Variants in VPS53 observed in about 807,000 individuals in gnomAD.
VPS53 encodes the protein vacuolar protein sorting-associated protein 53 homolog.
In VPS53, 70 loss-of-function variants were observed where a neutral mutation model predicts 107.0. The observed-to-expected ratio is 0.65, with a 90% CI of 0.54 to 0.80. VPS53 has a LOEUF of 0.80. VPS53 is among the 30% of genes least tolerant of loss of function. The pLI is 0.00. For synonymous variants in VPS53, 409 were observed against 393.3 expected (o/e 1.04, Z -0.47); for missense variants, 917 against 1,049.4 (o/e 0.87, Z 1.74).
chr17:661,731 G>T, intron 5 of VPS53, 78 bp downstream of exon 5: 1 of 1,386,930 alleles, frequency 7.2e-7, no homozygotes, highest in Admixed American at 2.3e-5. Context: ...ATTAGAAAAA[G>T]CTCATTATTA....
At position 623,933 on chromosome 17, in the gene VPS53, GTTTA is replaced by G. The variant is rs139981445; in HGVS notation, c.975-263_975-260del. Among the ~76,000 whole-genome samples, 2,601 of 148,506 alleles carry G rather than the reference GTTTA, an allele frequency of 0.018. 71 individuals carry two copies. The highest frequency in any genetic ancestry group is 0.063 in the African/African-American group (2,439 of 38,476). Reference sequence around the variant, plus strand: ...TATATATACTTATATTTATTTGTTTGTTTATTTATTTATTTATTTATTTGAGATG... The same window carrying G: ...TATATATACTTATATTTATTTGTTTGTTTATTTATTTATTTATTTGAGATG... On this transcript the variant is annotated intron_variant, in intron 10 of 21. Coordinates refer to ENST00000437048, the MANE Select transcript of VPS53 (RefSeq NM_001128159.3).
intron 12 of VPS53, among the ~76,000 whole-genome samples, chr17:596,959 ACC>A (rs967789360): frequency 6.6e-6 from 1 of 152,112 alleles, no homozygotes; most frequent in Non-Finnish European, 1.5e-5. Flanking sequence ...TTTCATTACT[ACC>A]CAATGTAAAC....
At chr17:556,782 GGC>G (rs779868957) in intron 15 of VPS53, among the ~76,000 whole-genome samples, 2 of 145,446 alleles carry the variant, frequency 1.4e-5, no homozygotes, top group Non-Finnish European at 3.0e-5. Context: ...AACTAATGGG[GGC>G]GCCAGATAAT....
At chr17:577,067 A>G (rs138308662) in intron 13 of VPS53, among the ~76,000 whole-genome samples, 152 of 151,610 alleles carry the variant, frequency 1.0e-3, no homozygotes, top group Non-Finnish European at 1.9e-3. Context: ...CCTCTCAGAG[A>G]ACCTAAAGCA....
chr17:707,619 C>T (rs1034962207), intron 2 of VPS53, among the ~76,000 whole-genome samples: 4 of 150,982 alleles, frequency 2.6e-5, no homozygotes, highest in East Asian at 1.9e-4. Context: ...GAGGCTGAGG[C>T]GGGAGGATCA....
At chr17:654,215 A>G (rs1445972287) in intron 6 of VPS53, among the ~76,000 whole-genome samples, 3 of 152,024 alleles carry the variant, frequency 2.0e-5, no homozygotes. Context: ...ACAAAAATAC[A>G]CAAAGAGCAG....
intron 2 of VPS53, among the ~76,000 whole-genome samples, chr17:709,600 T>C (rs1026453155): frequency 1.3e-5 from 2 of 152,128 alleles, no homozygotes; most frequent in African/African-American, 4.8e-5. Flanking sequence ...CTCAAGGGCA[T>C]GGACTGGACC....
intron 7 of VPS53, among the ~76,000 whole-genome samples, chr17:639,644 T>A (rs961111960): frequency 2.6e-5 from 4 of 152,228 alleles, no homozygotes; most frequent in African/African-American, 9.6e-5. Context: ...GTCAGGACCC[T>A]CAGCTGCAGG....
At chr17:597,811 C>T (rs1052617562) in intron 12 of VPS53, among the ~76,000 whole-genome samples, 10 of 151,800 alleles carry the variant, frequency 6.6e-5, no homozygotes, top group African/African-American at 2.2e-4. Context: ...CTCAGGTGAT[C>T]GGCCTGCCTC....
chr17:552,015 C>A, intron 16 of VPS53, 65 bp from the exon 17 acceptor site: 1 of 1,422,242 alleles, frequency 7.0e-7, no homozygotes, highest in South Asian at 1.3e-5. Flanking sequence ...GACTGACACT[C>A]AGGCCCCTGT....
At chr17:653,152 C>G (rs1971026061) in intron 7 of VPS53, 139 bp downstream of exon 7, 1 of 1,560,628 alleles carries the variant, frequency 6.4e-7, no homozygotes, top group African/African-American at 1.4e-5. Flanking sequence ...TATACTTTCC[C>G]TCCGGTGACA....
At chr17:549,572 G>T (rs190062691) in intron 17 of VPS53, among the ~76,000 whole-genome samples, 1 of 131,802 alleles carries the variant, frequency 7.6e-6, no homozygotes, top group East Asian at 2.8e-4. Context: ...CCTTCCAACC[G>T]TGATTTTATT....
chr17:645,850 T>C (rs541399723), intron 7 of VPS53, among the ~76,000 whole-genome samples: 4,481 of 111,120 alleles, frequency 0.04, 198 homozygotes, highest in Admixed American at 0.067. Flanking sequence ...GACTGGAGAC[T>C]GGCTCTTACA....
At chr17:651,262 A>T (rs74316508) in intron 7 of VPS53, among the ~76,000 whole-genome samples, 108 of 152,368 alleles carry the variant, frequency 7.1e-4, no homozygotes, top group African/African-American at 2.5e-3. Flanking sequence ...CAACAATGGG[A>T]TTCTGAAGTC....
chr17:627,962 T>C, intron 9 of VPS53, 126 bp downstream of exon 9: 1 of 959,058 alleles, frequency 1.0e-6, no homozygotes, highest in Non-Finnish European at 1.5e-6. Context: ...CCCCTAGGAC[T>C]CACAGCTCAA....
intron 17 of VPS53, among the ~76,000 whole-genome samples, chr17:549,996 C>T (rs945738532): frequency 1.3e-5 from 2 of 152,154 alleles, no homozygotes; most frequent in African/African-American, 4.8e-5. Context: ...AAATTCAGAC[C>T]AAATGTCTGC....
At chr17:667,760 C>T (rs1379053240) in intron 4 of VPS53, among the ~76,000 whole-genome samples, 3 of 152,090 alleles carry the variant, frequency 2.0e-5, no homozygotes, top group African/African-American at 7.2e-5. Context: ...TGGGCCAGCA[C>T]CAGTCCGTGG....
At chr17:610,797 G>A (rs1597378489) in intron 11 of VPS53, among the ~76,000 whole-genome samples, 1 of 151,184 alleles carries the variant, frequency 6.6e-6, no homozygotes, top group South Asian at 2.1e-4. Flanking sequence ...AATTAGCCTG[G>A]CATGGTGCTG....
rs772682525 is a variant in VPS53, at chr17:586,302, A to C, written c.1281T>G (p.Pro427=). Residue 427 remains proline (P), a synonymous_variant, in exon 13 of 22, where the codon CCT becomes CCG. Transcript: ENST00000437048. ...FHGIVSKCFE[P]HLYVYIESQD... The stretch of plus-strand genomic sequence containing the variant: ...GGGATTCGATATACACGTAGAGATG[A>C]GGCTCAAAACACTTGGAAACAATGC... The C allele has an allele frequency of 1.6e-5, 26 of 1,614,012 alleles. No individual in the cohort carries two copies. The highest frequency in any genetic ancestry group is 4.0e-5 in the African/African-American group (3 of 74,934).
Sources: allele counts gnomAD v4.1 joint callset (sites outside exome capture counted in the v4.1 genomes callset), GRCh38; gene constraint gnomAD v4.1.1; transcripts MANE v1.5; gene names NCBI Gene and HGNC (gene_info 2026-07-23, HGNC 2026-07-21).